The following AUH variants were observed in gnomAD, a reference collection of about 807,000 sequenced individuals.
The protein encoded by AUH is methylglutaconyl-CoA hydratase, mitochondrial.
A neutral mutation model predicts 42.3 loss-of-function variants in AUH; 29 were observed. The ratio of observed to expected loss-of-function variants is 0.69; its 90% CI spans 0.51 to 0.93. The LOEUF is 0.93. AUH is among the 40% of genes least tolerant of loss of function. The pLI is 0.00. For missense variants in AUH, 452 were observed against 438.1 expected, an observed-to-expected ratio of 1.03 and a Z score of -0.28; for synonymous variants, 174 against 166.4, an observed-to-expected ratio of 1.05 and a Z score of -0.35.
Position 91,361,910 on chromosome 9 carries a change from A to C in AUH, c.-21T>G. 1 of 1,379,718 alleles carries C rather than the reference A, an allele frequency of 7.2e-7. No homozygotes were observed. Among genetic ancestry groups the C allele is most frequent in the Non-Finnish European group, 9.4e-7 (1 of 1,068,744 alleles). The allele number at this position is 1,379,718 out of a possible 1,614,324, so 85.5% of individuals were successfully genotyped here. ...GCCATGTTGTCTGTTTACGGCGTGG[A>C]CCTGCGACGGCCGCTCCGCCCCCGC... On this transcript the variant is annotated 5_prime_UTR_variant, in exon 1 of 10. Coordinates refer to ENST00000375731, the MANE Select transcript of AUH (RefSeq NM_001698.3).
intron 6 of AUH, among the ~76,000 whole-genome samples, chr9:91,227,641 G>T (rs1225183706): frequency 7.3e-6 from 1 of 137,208 alleles, no homozygotes; most frequent in Non-Finnish European, 1.6e-5. Flanking sequence ...AGTTTTCAAA[G>T]GGAATGCTTC....
chr9:91,349,054 G>C (rs1831749974), intron 3 of AUH, among the ~76,000 whole-genome samples: 1 of 151,822 alleles, frequency 6.6e-6, no homozygotes. Flanking sequence ...AGGACTAACA[G>C]TTAAATACAT....
At chr9:91,260,768 T>C (rs1829666556) in intron 6 of AUH, among the ~76,000 whole-genome samples, 1 of 152,188 alleles carries the variant, frequency 6.6e-6, no homozygotes, top group South Asian at 2.1e-4. Context: ...ATAATATGTA[T>C]ATACAATAGA....
intron 6 of AUH, among the ~76,000 whole-genome samples, chr9:91,261,798 T>A (rs1190355989): frequency 6.6e-6 from 1 of 152,230 alleles, no homozygotes; most frequent in African/African-American, 2.4e-5. Context: ...ATCCAGTGTA[T>A]GAAAACAGCT....
chr9:91,314,872 A>G (rs1490337326), intron 4 of AUH, among the ~76,000 whole-genome samples: 1 of 152,240 alleles, frequency 6.6e-6, no homozygotes. Flanking sequence ...TACCAACCAC[A>G]GGGTGGTTCT....
chr9:91,292,273 C>CTT (rs1017680283), intron 6 of AUH, among the ~76,000 whole-genome samples: 60 of 130,954 alleles, frequency 4.6e-4, no homozygotes, highest in Non-Finnish European at 6.1e-4. Context: ...TGGGAACCCT[C>CTT]TTTTTTTTTT....
intron 6 of AUH, among the ~76,000 whole-genome samples, chr9:91,235,555 A>G (rs1828130864): frequency 6.6e-6 from 1 of 152,186 alleles, no homozygotes; most frequent in South Asian, 2.1e-4. Context: ...ACCAATGATT[A>G]GTATCATACA....
intron 4 of AUH, among the ~76,000 whole-genome samples, chr9:91,314,355 T>C (rs1048317197): frequency 2.0e-5 from 3 of 151,482 alleles, no homozygotes; most frequent in Non-Finnish European, 2.9e-5. Flanking sequence ...CCGGGCATGG[T>C]AGAGCCCATC....
chr9:91,265,245 C>T (rs1038507061), intron 6 of AUH, among the ~76,000 whole-genome samples: 1 of 151,010 alleles, frequency 6.6e-6, no homozygotes, highest in Non-Finnish European at 1.5e-5. Flanking sequence ...TGTCAAACCT[C>T]AGAGGTTAAT....
chr9:91,293,776 G>A (rs948447168), intron 6 of AUH, among the ~76,000 whole-genome samples: 1 of 152,224 alleles, frequency 6.6e-6, no homozygotes, highest in Non-Finnish European at 1.5e-5. Context: ...CACATCTTCA[G>A]TGTAGACAAA....
At chr9:91,356,605 G>A (rs1832435744) in intron 1 of AUH, among the ~76,000 whole-genome samples, 1 of 151,952 alleles carries the variant, frequency 6.6e-6, no homozygotes, top group East Asian at 1.9e-4. Flanking sequence ...TAACCTGAGG[G>A]CACTTCCATT....
At chr9:91,351,538 T>C (rs1250599704) in intron 3 of AUH, among the ~76,000 whole-genome samples, 2 of 152,312 alleles carry the variant, frequency 1.3e-5, no homozygotes, top group East Asian at 1.9e-4. Context: ...TCATTGAGTA[T>C]ATATACACAA....
rs542910181 is a variant in AUH at position 91,333,139 on chromosome 9, T to C, written c.419-7735A>G. ...AAGAGATGTCCGACCTCCCATCCTG[T>C]CATGGCTGAGATTTTCCTCGGCCAA... On this transcript the variant is annotated intron_variant, in intron 3 of 9. Transcript: ENST00000375731. Among the ~76,000 whole-genome samples the C allele has an allele frequency of 2.6e-5, 4 of 152,348 alleles. No homozygotes were observed. The South Asian group carries it at 6.2e-4, about 24-fold the overall frequency.
intron 4 of AUH, among the ~76,000 whole-genome samples, chr9:91,310,367 G>A (rs1828607338): frequency 6.6e-6 from 1 of 152,194 alleles, no homozygotes; most frequent in Non-Finnish European, 1.5e-5. Context: ...AATAATTACA[G>A]TATGGCTAAC....
chr9:91,328,674 C>T (rs1830122232), intron 3 of AUH, among the ~76,000 whole-genome samples: 1 of 152,098 alleles, frequency 6.6e-6, no homozygotes, highest in East Asian at 1.9e-4. Context: ...TAAAGGGACT[C>T]ACCAAATTAA....
intron 3 of AUH, among the ~76,000 whole-genome samples, chr9:91,348,941 C>T (rs182763215): frequency 6.6e-6 from 1 of 152,050 alleles, no homozygotes; most frequent in Non-Finnish European, 1.5e-5. Context: ...TATATGACAA[C>T]AACAAAAAAA....
rs1829579027 is a variant in AUH at position 91,321,605 on chromosome 9, G to A, written c.505+3713C>T. ...GTGAGATTTCTTGAATAAATATAGA[G>A]GAATTAACTCCAAACAACAGGAAAA... is the stretch of plus-strand genomic sequence containing the variant. On this transcript the variant is annotated intron_variant, in intron 4 of 9. Transcript: ENST00000375731. 3.3e-5 allele frequency among the ~76,000 whole-genome samples: 5 copies of A among 151,928 alleles called. No individual in the cohort carries two copies. In the South Asian group the frequency reaches 1.0e-3, roughly 32 times the overall value.
intron 6 of AUH, among the ~76,000 whole-genome samples, chr9:91,223,806 A>G (rs908300634): frequency 6.6e-6 from 1 of 152,190 alleles, no homozygotes; most frequent in Admixed American, 6.5e-5. Context: ...TCCCATAGAC[A>G]GTTCTTTTTG....
intron 6 of AUH, among the ~76,000 whole-genome samples, chr9:91,236,066 C>T (rs1340601910): frequency 6.6e-6 from 1 of 152,126 alleles, no homozygotes; most frequent in Admixed American, 6.5e-5. Context: ...CCAAGAACAT[C>T]AGGAAGTACA....
Sources: gnomAD v4.1 joint callset for allele counts (sites outside exome capture counted in the v4.1 genomes callset) on GRCh38, gnomAD v4.1.1 for gene constraint, MANE v1.5 for transcripts, NCBI Gene and HGNC (gene_info 2026-07-23, HGNC 2026-07-21) for gene names.